The following LRRTM4 variants were observed in gnomAD, a reference collection of about 807,000 sequenced individuals.
LRRTM4 encodes the protein leucine-rich repeat transmembrane neuronal protein 4.
Under a neutral mutation model 47.6 loss-of-function variants are expected in LRRTM4, and 25 were observed. The observed-to-expected ratio is 0.53, with a 90% CI of 0.38 to 0.73. The LOEUF is 0.73. Ranked by LOEUF, LRRTM4 falls within the 30% of genes least tolerant of loss-of-function variation. The probability of loss-of-function intolerance (pLI) is 0.00; values close to 1 mark genes in which losing one functional copy is unlikely to be tolerated. For synonymous variants in LRRTM4, 311 were observed against 269.5 expected (o/e 1.15, Z -1.51); for missense variants, 638 against 713.4 (o/e 0.89, Z 1.20).
At chr2:76,831,803 T>C (rs77134882) in intron 3 of LRRTM4, among the ~76,000 whole-genome samples, 11,839 of 152,134 alleles carry the variant, frequency 0.078, 495 homozygotes, top group Middle Eastern at 0.14. Flanking sequence ...AATGAGAATT[T>C]AGCTTTTTTT....
At chr2:77,483,270 C>T (rs1459622978) in intron 3 of LRRTM4, among the ~76,000 whole-genome samples, 1 of 151,732 alleles carries the variant, frequency 6.6e-6, no homozygotes, top group Non-Finnish European at 1.5e-5. Flanking sequence ...TAAAAGACTG[C>T]TCAAGAATTG....
chr2:77,224,125 A>C (rs1186929799), intron 3 of LRRTM4, among the ~76,000 whole-genome samples: 5 of 151,640 alleles, frequency 3.3e-5, no homozygotes, highest in African/African-American at 1.2e-4. Context: ...TTCCCTATTT[A>C]ATAAATGGTG....
chr2:77,399,659 T>C (rs1340054725), intron 3 of LRRTM4, among the ~76,000 whole-genome samples: 2 of 151,934 alleles, frequency 1.3e-5, no homozygotes, highest in Admixed American at 1.3e-4. Flanking sequence ...ACAGTGATCG[T>C]ATGAATTAGG....
chr2:76,854,420 T>A (rs1346870047), intron 3 of LRRTM4, among the ~76,000 whole-genome samples: 1 of 152,072 alleles, frequency 6.6e-6, no homozygotes, highest in Non-Finnish European at 1.5e-5. Flanking sequence ...CATCTTTCAA[T>A]CAGAAGTAAC....
chr2:77,466,298 G>A (rs72921973), intron 3 of LRRTM4, among the ~76,000 whole-genome samples: 2,670 of 152,260 alleles, frequency 0.018, 76 homozygotes, highest in African/African-American at 0.061. Flanking sequence ...AATTACTTCA[G>A]GGGAGTCCGA....
intron 3 of LRRTM4, among the ~76,000 whole-genome samples, chr2:76,973,056 A>T (rs935639372): frequency 6.6e-6 from 1 of 152,064 alleles, no homozygotes; most frequent in Admixed American, 6.6e-5. Context: ...CACTAAAACA[A>T]TGAAAGCATG....
chr2:77,101,947 C>T (rs927530040), intron 3 of LRRTM4, among the ~76,000 whole-genome samples: 1 of 152,164 alleles, frequency 6.6e-6, no homozygotes, highest in Non-Finnish European at 1.5e-5. Flanking sequence ...AAACGTTTCC[C>T]ACATTCGCTT....
chr2:76,796,152 G>A, intron 3 of LRRTM4, among the ~76,000 whole-genome samples: 1 of 144,364 alleles, frequency 6.9e-6, no homozygotes, highest in Non-Finnish European at 1.5e-5. Context: ...CCCGCACATG[G>A]CTCGCAGGGT....
intron 3 of LRRTM4, among the ~76,000 whole-genome samples, chr2:77,314,496 G>A (rs374418196): frequency 6.6e-6 from 1 of 152,004 alleles, no homozygotes; most frequent in Non-Finnish European, 1.5e-5. Flanking sequence ...CATATTTACC[G>A]CTTTTCAATC....
chr2:77,498,321 C>T (rs927025827), intron 3 of LRRTM4, among the ~76,000 whole-genome samples: 2 of 151,682 alleles, frequency 1.3e-5, no homozygotes, highest in Non-Finnish European at 2.9e-5. Flanking sequence ...GTCTTTTTAG[C>T]GATTGTAGAA....
intron 3 of LRRTM4, among the ~76,000 whole-genome samples, chr2:76,755,417 C>G (rs1156264430): frequency 6.6e-6 from 1 of 152,082 alleles, no homozygotes; most frequent in East Asian, 1.9e-4. Context: ...ATTACTAACT[C>G]CAATTTCCCA....
chr2:76,803,683 T>G (rs72815458), intron 3 of LRRTM4, among the ~76,000 whole-genome samples: 23,925 of 152,140 alleles, frequency 0.16, 2,038 homozygotes, highest in African/African-American at 0.2. Context: ...TAACATGGCA[T>G]GTCTACAAAT....
At chr2:76,976,147 C>A (rs1213483528) in intron 3 of LRRTM4, among the ~76,000 whole-genome samples, 1 of 151,724 alleles carries the variant, frequency 6.6e-6, no homozygotes, top group Non-Finnish European at 1.5e-5. Flanking sequence ...GCTCTGTAAT[C>A]CTTTCCTTTA....
chr2:77,495,000 T>A (rs1022114338), intron 3 of LRRTM4, among the ~76,000 whole-genome samples: 1 of 152,168 alleles, frequency 6.6e-6, no homozygotes, highest in African/African-American at 2.4e-5. Context: ...TATTGCTGAA[T>A]AGTATCCCAT....
chr2:77,413,146 C>T (rs187046973), intron 3 of LRRTM4, among the ~76,000 whole-genome samples: 3 of 152,208 alleles, frequency 2.0e-5, no homozygotes, highest in East Asian at 3.9e-4. Context: ...GTTTATTATT[C>T]CCAGTTCAGT....
chr2:77,386,008 C>T (rs1336762538), intron 3 of LRRTM4, among the ~76,000 whole-genome samples: 3 of 151,926 alleles, frequency 2.0e-5, no homozygotes, highest in South Asian at 4.2e-4. Context: ...CCAACCACCT[C>T]GGCCTCCCAA....
chr2:76,748,645 G>A lies in LRRTM4; in HGVS notation c.*50C>T. On this transcript the variant is annotated 3_prime_UTR_variant, in exon 4 of 4. Coordinates refer to ENST00000409884, the MANE Select transcript of LRRTM4 (RefSeq NM_001134745.3). ...GACACCCATTCTCCTTTAAGATGAAGGCCCTCCCTCCCCCCCATGGAGCTC... is the reference window on the plus strand; with the variant it reads ...GACACCCATTCTCCTTTAAGATGAAAGCCCTCCCTCCCCCCCATGGAGCTC... 2.9e-6 allele frequency: 4 copies of A among 1,400,898 alleles called. No individual in the cohort carries two copies. The South Asian group carries it at 4.7e-5, about 16-fold the overall frequency. 86.8% of individuals were successfully genotyped at this position (1,400,898 alleles called of 1,614,324 possible). A position where few individuals can be genotyped will look rare whatever the true frequency, so the allele number is the denominator to read the frequency against.
At chr2:77,394,956 G>T (rs1427118445) in intron 3 of LRRTM4, among the ~76,000 whole-genome samples, 1 of 151,942 alleles carries the variant, frequency 6.6e-6, no homozygotes, top group Non-Finnish European at 1.5e-5. Flanking sequence ...TTGAGCTCAA[G>T]TTGTCTTAAT....
At chr2:77,514,894 A>C (rs1423507628) in intron 3 of LRRTM4, among the ~76,000 whole-genome samples, 2 of 151,976 alleles carry the variant, frequency 1.3e-5, no homozygotes, top group Non-Finnish European at 2.9e-5. Flanking sequence ...ATACAGAATG[A>C]AGCAACTTTA....
Sources: allele counts gnomAD v4.1 joint callset (sites outside exome capture counted in the v4.1 genomes callset), GRCh38; gene constraint gnomAD v4.1.1; transcripts MANE v1.5; gene names NCBI Gene and HGNC (gene_info 2026-07-23, HGNC 2026-07-21).